Variants in SHISA6 observed in about 807,000 individuals in gnomAD.
SHISA6 encodes shisa family member 6.
Under a neutral mutation model 47.9 loss-of-function variants are expected in SHISA6, and 22 were observed. That is an observed-to-expected ratio of 0.46 (90% CI 0.33 to 0.66). SHISA6 has a LOEUF of 0.66. SHISA6 is among the 30% of genes least tolerant of loss of function. The probability of loss-of-function intolerance (pLI) is 0.02; values close to 1 mark genes in which losing one functional copy is unlikely to be tolerated. For synonymous variants in SHISA6, 388 were observed against 337.8 expected, an observed-to-expected ratio of 1.15 and a Z score of -1.63; for missense variants, 680 against 764.6, an observed-to-expected ratio of 0.89 and a Z score of 1.30.
chr17:11,555,474 G>A (rs920081684), intron 4 of SHISA6, among the ~76,000 whole-genome samples: 1 of 152,022 alleles, frequency 6.6e-6, no homozygotes, highest in South Asian at 2.1e-4. Context: ...TACTGAGAGA[G>A]AGAATTCGCT....
At chr17:11,291,187 A>C (rs8070378) in intron 2 of SHISA6, among the ~76,000 whole-genome samples, 137,331 of 151,964 alleles carry the variant, frequency 0.9, 62,164 homozygotes, top group East Asian at 1. Flanking sequence ...AGAGAATAAA[A>C]ACACAGGACA....
At chr17:11,437,867 G>A (rs1419404407) in intron 3 of SHISA6, among the ~76,000 whole-genome samples, 1 of 152,164 alleles carries the variant, frequency 6.6e-6, no homozygotes, top group Non-Finnish European at 1.5e-5. Context: ...AGATTCACCA[G>A]AGTCTCTTCG....
At chr17:11,320,787 C>T (rs1310579132) in intron 2 of SHISA6, among the ~76,000 whole-genome samples, 1 of 152,172 alleles carries the variant, frequency 6.6e-6, no homozygotes, top group Non-Finnish European at 1.5e-5. Context: ...AGCCTACATC[C>T]TTTTCTTTTG....
chr17:11,296,783 G>A (rs146611039), intron 2 of SHISA6, among the ~76,000 whole-genome samples: 21 of 152,230 alleles, frequency 1.4e-4, no homozygotes, highest in South Asian at 6.2e-4. Flanking sequence ...TAGCAGGAGC[G>A]TGGGAAGAGC....
In SHISA6 at chr17:11,557,861, T is replaced by C. The variant is rs1481313007; in HGVS notation, c.1213T>C (p.Leu405=). 9 of 1,551,284 alleles carry C rather than the reference T, an allele frequency of 5.8e-6. No homozygotes were observed. Among genetic ancestry groups the C allele is most frequent in the East Asian group, 4.9e-5 (2 of 40,912 alleles). The part of the protein sequence containing the change: ...NVIQMSQQKP[L]PRERPRRPIR... ...CATCCAGATGTCCCAACAGAAGCCG[T>C]TGCCAAGGGAACGACCCCGCCGGCC... Residue 405 remains leucine, a synonymous_variant, in exon 6 of 6, where the codon TTG becomes CTG. Coordinates refer to ENST00000441885, the MANE Select transcript of SHISA6 (RefSeq NM_207386.4).
In SHISA6 at chr17:11,529,472, G is replaced by A. The variant is rs547087015; in HGVS notation, c.896-22424G>A. 9.2e-5 allele frequency among the ~76,000 whole-genome samples: 14 copies of A among 152,246 alleles called. No individual in the cohort carries two copies. The East Asian group carries it at 1.9e-3, about 21-fold the overall frequency. On this transcript the variant is annotated intron_variant, in intron 3 of 5. Transcript: ENST00000441885. ...TTATAATAAATTCTTATCTCATGAT[G>A]TAAAACAAAACAAATTCCACATATA...
At chr17:11,368,319 C>T (rs913179929) in intron 2 of SHISA6, among the ~76,000 whole-genome samples, 3 of 149,364 alleles carry the variant, frequency 2.0e-5, no homozygotes, top group Non-Finnish European at 3.0e-5. Flanking sequence ...TTTTCTCCTA[C>T]TAATCTTAAT....
At chr17:11,283,047 C>A (rs6502138) in intron 2 of SHISA6, among the ~76,000 whole-genome samples, 3 of 152,068 alleles carry the variant, frequency 2.0e-5, no homozygotes, top group Non-Finnish European at 2.9e-5. Context: ...AGCACCAGAC[C>A]TAGATATTGT....
In SHISA6 at chr17:11,469,788, C is replaced by T. The variant is rs551638253; in HGVS notation, c.896-82108C>T. ...TCTCTTCTCTGGCTTCCCAGCTGGC[C>T]TCAGCAACAGACCTTCCAAATCTGG... On this transcript the variant is annotated intron_variant, in intron 3 of 5. Coordinates refer to ENST00000441885, the MANE Select transcript of SHISA6 (RefSeq NM_207386.4). 4.6e-5 allele frequency among the ~76,000 whole-genome samples: 7 copies of T among 152,322 alleles called. No homozygotes were observed. In the South Asian group the frequency reaches 1.2e-3, roughly 27 times the overall value.
chr17:11,334,425 T>C (rs1911245743), intron 2 of SHISA6, among the ~76,000 whole-genome samples: 1 of 152,202 alleles, frequency 6.6e-6, no homozygotes, highest in Non-Finnish European at 1.5e-5. Context: ...AAAATCACTG[T>C]CTGCATTCGA....
chr17:11,501,234 T>G (rs1238938317), intron 3 of SHISA6, among the ~76,000 whole-genome samples: 1 of 151,902 alleles, frequency 6.6e-6, no homozygotes, highest in African/African-American at 2.4e-5. Context: ...TGCCTCAGCC[T>G]CCGGAGTAGC....
intron 2 of SHISA6, among the ~76,000 whole-genome samples, chr17:11,316,958 A>T (rs532068552): frequency 5.9e-5 from 9 of 152,294 alleles, no homozygotes; most frequent in African/African-American, 2.2e-4. Flanking sequence ...CCAGACAGTT[A>T]TGATTTTGGC....
At chr17:11,517,770 CT>C (rs2071597703) in intron 3 of SHISA6, among the ~76,000 whole-genome samples, 1 of 152,106 alleles carries the variant, frequency 6.6e-6, no homozygotes, top group South Asian at 2.1e-4. Context: ...TCCCAAAGTA[CT>C]GGGATTTACA....
intron 2 of SHISA6, among the ~76,000 whole-genome samples, chr17:11,276,884 A>C (rs1215668280): frequency 6.6e-6 from 1 of 152,200 alleles, no homozygotes; most frequent in Non-Finnish European, 1.5e-5. Flanking sequence ...CATAACTATG[A>C]TACAATTACC....
rs115084800 is a variant in SHISA6, at chr17:11,497,918, C to T, written c.896-53978C>T. Among the ~76,000 whole-genome samples, 1,250 of 152,274 alleles carry T rather than the reference C, an allele frequency of 8.2e-3. 28 individuals carry two copies. Among genetic ancestry groups the T allele is most frequent in the African/African-American group, 0.028 (1,180 of 41,548 alleles). On this transcript the variant is annotated intron_variant, in intron 3 of 5. Transcript: ENST00000441885. The stretch of plus-strand genomic sequence containing the variant: ...TTGACAGTACAAGTCATGGCTATAC[C>T]TACTCCTGGCTTGGAGGTGAGACCT...
intron 3 of SHISA6, among the ~76,000 whole-genome samples, chr17:11,400,893 C>G (rs1044738376): frequency 1.3e-5 from 2 of 152,208 alleles, no homozygotes; most frequent in Non-Finnish European, 2.9e-5. Flanking sequence ...TGGTTCTATA[C>G]AAGTCTTGCA....
intron 3 of SHISA6, among the ~76,000 whole-genome samples, chr17:11,427,469 C>T (rs570008801): frequency 1.3e-5 from 2 of 152,062 alleles, no homozygotes; most frequent in South Asian, 4.1e-4. Flanking sequence ...CCCTTGTCCA[C>T]TCCTCCACCT....
chr17:11,261,006 T>A (rs1056976817), intron 1 of SHISA6, among the ~76,000 whole-genome samples: 6 of 152,162 alleles, frequency 3.9e-5, no homozygotes, highest in African/African-American at 1.4e-4. Flanking sequence ...CTCCGGCATA[T>A]TCAAGTTAAT....
chr17:11,555,666 G>A, intron 4 of SHISA6, 74 bp from the exon 5 acceptor site: 3 of 1,428,618 alleles, frequency 2.1e-6, no homozygotes, highest in Non-Finnish European at 2.8e-6. Context: ...ATTCGAATCA[G>A]GGGTGAGGCA....
Sources: gnomAD v4.1 joint callset for allele counts (sites outside exome capture counted in the v4.1 genomes callset) on GRCh38, gnomAD v4.1.1 for gene constraint, MANE v1.5 for transcripts, NCBI Gene and HGNC (gene_info 2026-07-23, HGNC 2026-07-21) for gene names.